EIF3A: variants seen among roughly 807,000 people sequenced by gnomAD.
EIF3A encodes the protein EIF3, p180 subunit.
EIF3A carries 21 observed loss-of-function variants against 186.6 expected under a neutral mutation model. The ratio of observed to expected loss-of-function variants is 0.11; its 90% CI spans 0.08 to 0.16. The LOEUF (loss-of-function observed/expected upper bound fraction) is 0.16, where lower values mean the gene tolerates loss of function less well. Ranked by LOEUF, EIF3A falls within the 10% of genes least tolerant of loss-of-function variation. The pLI, the probability that EIF3A is intolerant of heterozygous loss-of-function variation, is 1.00. For missense variants in EIF3A, 1,306 were observed against 1,796.3 expected (o/e 0.73, Z 4.93); for synonymous variants, 563 against 584.3 (o/e 0.96, Z 0.52).
In EIF3A at chr10:119,038,442, GT is replaced by G. The variant is rs751918428; in HGVS notation, c.3527-4del. 1.9e-6 allele frequency: 3 copies of G among 1,591,256 alleles called. No individual in the cohort carries two copies. Among genetic ancestry groups the G allele is most frequent in the Non-Finnish European group, 2.6e-6 (3 of 1,172,902 alleles). On this transcript the variant is annotated splice_region_variant and splice_polypyrimidine_tract_variant and intron_variant, in intron 19 of 21. Transcript: ENST00000369144. ...TTTTTCTTTCTCTCTCCATCCACCT[GT>G]TTTTTTGAAAAAGCAAAACATTTTT...
intron 14 of EIF3A, among the ~76,000 whole-genome samples, chr10:119,053,121 T>C (rs1406697457): frequency 1.3e-5 from 2 of 152,094 alleles, no homozygotes; most frequent in African/African-American, 4.8e-5. Context: ...TTTTGAGCAG[T>C]AGGTCTCAAC....
intron 4 of EIF3A, among the ~76,000 whole-genome samples, chr10:119,071,313 G>A (rs1416143749): frequency 6.6e-6 from 1 of 152,114 alleles, no homozygotes; most frequent in Non-Finnish European, 1.5e-5. Flanking sequence ...CAACTAAAAT[G>A]TGGTGCTGGC....
rs1848164758 is a variant in EIF3A at position 119,038,392 on chromosome 10, G to A, written c.3574C>T (p.Pro1192Ser). 3 of 1,613,962 alleles carry A rather than the reference G, an allele frequency of 1.9e-6. No homozygotes were observed. Among genetic ancestry groups the A allele is most frequent in the African/African-American group, 1.3e-5 (1 of 74,946 alleles). ...EKAREESWGPPRESRPSEERE... is the reference protein window; with the variant it reads ...EKAREESWGPSRESRPSEERE... The stretch of plus-strand genomic sequence containing the variant: ...TCTTCTGATGGCCTTGATTCTCGAG[G>A]TGGACCCCAGCTCTCCTCTCTGGCT... Residue 1192 changes from proline to serine, a missense_variant, in exon 20 of 22, where the codon CCT (proline) becomes TCT (serine). This residue lies in a region of EIF3A where 331 missense variants were observed against 365.8 expected (regional missense o/e 0.90). Transcript: ENST00000369144.
At chr10:119,067,216 C>CA (rs36002945) in intron 6 of EIF3A, among the ~76,000 whole-genome samples, 10,997 of 128,566 alleles carry the variant, frequency 0.086, 815 homozygotes, top group African/African-American at 0.22. Context: ...AATTCTGTCT[C>CA]AAAAAAAAAA....
At chr10:119,060,993 AG>A in intron 8 of EIF3A, 149 bp from the exon 9 acceptor site, 1 of 633,992 alleles carries the variant, frequency 1.6e-6, no homozygotes, top group East Asian at 2.9e-5. Flanking sequence ...ACTTGTTTGA[AG>A]GTGACTGGCA....
intron 3 of EIF3A, 46 bp from the exon 4 acceptor site, chr10:119,073,099 T>C (rs1564761327): frequency 6.4e-7 from 1 of 1,551,228 alleles, no homozygotes. Context: ...AGTTTCCTAC[T>C]TTGCCATGTG....
rs970959124 is a variant in EIF3A at position 119,035,052 on chromosome 10, A to G, written c.*987T>C. 3.3e-5 allele frequency: 5 copies of G among 152,660 alleles called. No individual in the cohort carries two copies. The highest frequency in any genetic ancestry group is 1.2e-4 in the African/African-American group (5 of 41,462). 9.5% of individuals were successfully genotyped at this position (152,660 alleles called of 1,614,324 possible). Reference sequence around the variant, plus strand: ...AATCAACACTAAAACAAATTCTGTAAGTATTTTATTTATCACTGAAGAAAA... The same window carrying G: ...AATCAACACTAAAACAAATTCTGTAGGTATTTTATTTATCACTGAAGAAAA... On this transcript the variant is annotated 3_prime_UTR_variant, in exon 22 of 22. Transcript: ENST00000369144.
rs1667460552 is a variant in EIF3A, at chr10:119,042,906, A to G, written c.2748-134T>C. ...AGTGGCTCGCACCTTTAATCCCAGC[A>G]CTCTGGGAAGCAGAGGCAGGCAGAT... On this transcript the variant is annotated intron_variant, in intron 18 of 21. Transcript: ENST00000369144. This position sits in a 1 kb window ranked among gnomAD's most constrained non-coding sequence, Gnocchi z 7.8. 1 of 925,226 alleles carries G rather than the reference A, an allele frequency of 1.1e-6. No homozygotes were observed. Among genetic ancestry groups the G allele is most frequent in the African/African-American group, 1.7e-5 (1 of 59,684 alleles). 57.3% of individuals were successfully genotyped at this position (925,226 alleles called of 1,614,324 possible). A position where few individuals can be genotyped will look rare whatever the true frequency, so the allele number is the denominator to read the frequency against.
At position 119,051,048 on chromosome 10, in the gene EIF3A, C is replaced by T. The variant is rs2119818737; in HGVS notation, c.2319+151G>A. On this transcript the variant is annotated intron_variant, in intron 15 of 21. Coordinates refer to ENST00000369144, the MANE Select transcript of EIF3A (RefSeq NM_003750.4). ...TAGAACAATTTTGATGATTGTTTTG[C>T]TTATGAAATATCATCCAAAAATTTC... The T allele has an allele frequency of 4.6e-6, 3 of 653,352 alleles. No individual in the cohort carries two copies. In the South Asian group the frequency reaches 8.6e-5, roughly 19 times the overall value. The allele number at this position is 653,352 out of a possible 1,614,324, so 40.5% of individuals were successfully genotyped here. A position where few individuals can be genotyped will look rare whatever the true frequency, so the allele number is the denominator to read the frequency against.
At chr10:119,064,038 C>G (rs1050123700) in intron 7 of EIF3A, among the ~76,000 whole-genome samples, 19 of 152,162 alleles carry the variant, frequency 1.2e-4, no homozygotes, top group African/African-American at 4.6e-4. Flanking sequence ...GAAATCGCAC[C>G]ACTGCACTCC....
At chr10:119,070,746 T>C in intron 5 of EIF3A, 140 bp downstream of exon 5, 1 of 643,260 alleles carries the variant, frequency 1.6e-6, no homozygotes. Context: ...TCAGAACTTT[T>C]CCCAGTCCAT....
At chr10:119,041,891 A>C in intron 19 of EIF3A, 103 bp downstream of exon 19, 1 of 1,257,432 alleles carries the variant, frequency 8.0e-7, no homozygotes, top group Non-Finnish European at 1.1e-6. Context: ...AAGATGAAAG[A>C]CCAGTTTATC....
At chr10:119,063,754 C>G (rs1397832765) in intron 7 of EIF3A, among the ~76,000 whole-genome samples, 1 of 152,178 alleles carries the variant, frequency 6.6e-6, no homozygotes, top group Non-Finnish European at 1.5e-5. Flanking sequence ...CAAATTTCCA[C>G]TGAATGGAAG....
intron 1 of EIF3A, 46 bp downstream of exon 1, chr10:119,080,582 A>G (rs780897256): frequency 1.3e-6 from 2 of 1,551,262 alleles, no homozygotes; most frequent in African/African-American, 2.8e-5. Flanking sequence ...TCGACCTCGG[A>G]GGCCTCGGGC....
chr10:119,049,161 A>G (rs988279732), intron 17 of EIF3A, among the ~76,000 whole-genome samples: 10 of 152,156 alleles, frequency 6.6e-5, no homozygotes, highest in African/African-American at 2.2e-4. Flanking sequence ...ACCACATTAA[A>G]AAGAGCGGTG....
chr10:119,065,141 TCTCTTA>T (rs1475585752), intron 7 of EIF3A, among the ~76,000 whole-genome samples: 1 of 152,128 alleles, frequency 6.6e-6, no homozygotes, highest in Non-Finnish European at 1.5e-5. Context: ...CATTACTTCT[TCTCTTA>T]CTAACTGGCC....
chr10:119,050,027 A>T lies in EIF3A; in HGVS notation c.2474-42T>A. ...GTTACTAAGTGTGCCTCCCAGCCAT[A>T]TCTTCCCCCTAGTGCTAGTTCCACT... On this transcript the variant is annotated intron_variant, in intron 16 of 21. Transcript: ENST00000369144. The T allele has an allele frequency of 3.8e-6, 6 of 1,589,508 alleles. No homozygotes were observed. In the Middle Eastern group the frequency reaches 1.0e-3, roughly 267 times the overall value.
rs7908387 is a variant in EIF3A at position 119,069,457 on chromosome 10, A to G, written c.939T>C (p.Asp313=). The G allele has an allele frequency of 0.94, 1,369,805 of 1,453,800 alleles. 654,178 individuals are homozygous for G. Among genetic ancestry groups the G allele is most frequent in the Non-Finnish European group, 0.97 (1,004,409 of 1,033,598 alleles). 90.1% of individuals were successfully genotyped at this position (1,453,800 alleles called of 1,614,324 possible). The change falls in exon 6 of 22, where the codon GAT becomes GAC. Residue 313 remains aspartate (D), a synonymous_variant. Transcript: ENST00000369144. ...TATAACATTTTTACCTTTGCATCTC[A>G]TCTTGTGTGAGATTCTTTCTCATTT... ...SREMRKNLTQ[D]EMQRMSTRVL...
chr10:119,073,337 AT>A, intron 3 of EIF3A, 103 bp downstream of exon 3: 3 of 931,182 alleles, frequency 3.2e-6, no homozygotes, highest in Non-Finnish European at 3.2e-6. Context: ...AAAGATTTGC[AT>A]TTTTTTCTGA....
Sources: gnomAD v4.1 joint callset for allele counts (sites outside exome capture counted in the v4.1 genomes callset) on GRCh38, gnomAD v4.1.1 for gene constraint, gnomAD v4.1.1 regional missense constraint, Gnocchi (gnomAD v3.1) non-coding constraint, MANE v1.5 for transcripts, NCBI Gene and HGNC (gene_info 2026-07-23, HGNC 2026-07-21) for gene names.